The following SERF2 variants were observed in gnomAD, a reference collection of about 807,000 sequenced individuals.
SERF2 encodes small EDRK-rich factor 2.
In SERF2, 4 loss-of-function variants were observed where a neutral mutation model predicts 10.7. That is an observed-to-expected ratio of 0.37 (90% CI 0.18 to 0.86). The LOEUF (loss-of-function observed/expected upper bound fraction) is 0.86, where lower values mean the gene tolerates loss of function less well. Ranked by LOEUF, SERF2 falls within the 40% of genes least tolerant of loss-of-function variation. SERF2 has a pLI of 0.43. For synonymous variants in SERF2, 26 were observed against 26.0 expected, an observed-to-expected ratio of 1.00 and a Z score of 0.01; for missense variants, 47 against 79.1, an observed-to-expected ratio of 0.59 and a Z score of 1.54.
upstream of SERF2, among the ~76,000 whole-genome samples, chr15:43,789,081 G>A (rs2087031357): frequency 6.6e-6 from 1 of 151,598 alleles, no homozygotes; most frequent in Non-Finnish European, 1.5e-5. Context: ...CCCGGGAGGC[G>A]GAGCTTGCAG....
chr15:43,778,317 T>C (rs1391100388), intron 1 of SERF2, among the ~76,000 whole-genome samples: 2 of 151,918 alleles, frequency 1.3e-5, no homozygotes, highest in South Asian at 2.1e-4. Context: ...ATCTTTAAAA[T>C]CTGTGCTATT....
exon 2 of SERF2, chr15:43,785,489 C>A (rs1052453683): frequency 2.6e-5 from 4 of 152,080 alleles, no homozygotes; most frequent in South Asian, 4.1e-4. Flanking sequence ...TTCCTGGATT[C>A]AAGCAATCCT....
intron 1 of SERF2, among the ~76,000 whole-genome samples, chr15:43,782,365 T>G (rs1371396084): frequency 6.6e-6 from 1 of 152,194 alleles, no homozygotes; most frequent in Admixed American, 6.5e-5. Flanking sequence ...CCATATTATG[T>G]TCACATTTTC....
upstream of SERF2, among the ~76,000 whole-genome samples, chr15:43,789,066 G>A (rs866483592): frequency 7.3e-5 from 11 of 151,518 alleles, no homozygotes; most frequent in African/African-American, 2.7e-4. Flanking sequence ...GGAGAATGGC[G>A]TGAACCCGGG....
At position 43,782,821 on chromosome 15, in the gene SERF2, T is replaced by G. The variant is rs562397211; in HGVS notation, c.-526-2589T>G. ...TGGACAAATCCTTTGAGACTTTGCA[T>G]ACCTTTATTTTATTCTCATAACTTT... On this transcript the variant is annotated intron_variant, in intron 1 of 4. Coordinates refer to the SERF2 transcript ENST00000381359. Among the ~76,000 whole-genome samples the G allele has an allele frequency of 3.9e-5, 6 of 152,162 alleles. No individual in the cohort carries two copies. In the East Asian group the frequency reaches 9.7e-4, roughly 24 times the overall value.
At chr15:43,778,339 G>A (rs1157627559) in intron 1 of SERF2, among the ~76,000 whole-genome samples, 2 of 151,720 alleles carry the variant, frequency 1.3e-5, no homozygotes, top group African/African-American at 4.8e-5. Flanking sequence ...CTGTTTCTCT[G>A]CGGCAATATC....
intron 2 of SERF2, among the ~76,000 whole-genome samples, chr15:43,786,990 G>C (rs367819586): frequency 1.9e-4 from 26 of 133,784 alleles, no homozygotes; most frequent in African/African-American, 6.9e-4. Context: ...GCTTAGGCCT[G>C]GGTTCGTTTT....
chr15:43,780,598 A>G (rs1435923050), intron 1 of SERF2, among the ~76,000 whole-genome samples: 1 of 151,920 alleles, frequency 6.6e-6, no homozygotes, highest in East Asian at 1.9e-4. Flanking sequence ...CCTAGCAACA[A>G]CCACCCTTCT....
At chr15:43,792,597 C>T (rs901152686) in intron 1 of SERF2, 9 of 1,443,454 alleles carry the variant, frequency 6.2e-6, no homozygotes, top group Non-Finnish European at 8.2e-6. Flanking sequence ...TAGGCCCTCC[C>T]GGATCTTCCG....
intron 2 of SERF2, chr15:43,793,381 C>T (rs1161210941): frequency 1.2e-5 from 7 of 600,810 alleles, no homozygotes; most frequent in Non-Finnish European, 2.0e-5. Context: ...TACGGCAGCC[C>T]AGTACTTTTG....
chr15:43,788,262 G>A (rs1372350168), upstream of SERF2, among the ~76,000 whole-genome samples: 3 of 151,948 alleles, frequency 2.0e-5, no homozygotes, highest in East Asian at 1.9e-4. Flanking sequence ...CCTCCCTGTC[G>A]GCTTCCCAAA....
upstream of SERF2, chr15:43,792,239 A>T: frequency 1.3e-6 from 1 of 776,992 alleles, no homozygotes; most frequent in Non-Finnish European, 2.3e-6. Context: ...TTTCTTGTCC[A>T]ATGGGAGCCG....
intron 1 of SERF2, among the ~76,000 whole-genome samples, chr15:43,780,431 C>G (rs936163702): frequency 2.0e-5 from 3 of 152,178 alleles, no homozygotes; most frequent in Non-Finnish European, 2.9e-5. Context: ...CGTCAGCCAC[C>G]GCGCCCTGCG....
chr15:43,777,267 G>C (rs2086928005), exon 1 of SERF2: 5 of 441,514 alleles, frequency 1.1e-5, no homozygotes, highest in South Asian at 8.3e-5. Flanking sequence ...CCTGAATTTG[G>C]AGTTGCTGTC....
At chr15:43,792,711 CAG>C in intron 1 of SERF2, 1 of 1,048,176 alleles carries the variant, frequency 9.5e-7, no homozygotes, top group Non-Finnish European at 1.3e-6. Flanking sequence ...CACACCTTGC[CAG>C]CTGTTTGGGC....
chr15:43,792,538 A>G, intron 1 of SERF2, 155 bp downstream of exon 1: 20 of 1,513,216 alleles, frequency 1.3e-5, no homozygotes, highest in Non-Finnish European at 1.8e-5. Context: ...CCGGAAATCG[A>G]GCCCTTTGCC....
chr15:43,792,659 C>T, intron 1 of SERF2: 1 of 1,351,856 alleles, frequency 7.4e-7, no homozygotes, highest in Non-Finnish European at 9.7e-7. Context: ...GCCCCCACTC[C>T]ACAAGCCAGC....
At chr15:43,792,432 A>G (rs2087082920) in intron 1 of SERF2, 49 bp downstream of exon 1, 1 of 1,613,244 alleles carries the variant, frequency 6.2e-7, no homozygotes, top group South Asian at 1.1e-5. Flanking sequence ...CGTTCACCCT[A>G]AACACCACCG....
Position 43,777,108 on chromosome 15 carries a change from G to A in SERF2, c.-921G>A, listed in dbSNP as rs541077561. On this transcript the variant is annotated 5_prime_UTR_variant, in exon 1 of 5. Transcript: ENST00000381359. ...GGCGCTTCGCTCTCCCCGGCCAACCGCCCGGACCTCGGCGCTTTCTTCTAG... is the reference window on the plus strand; with the variant it reads ...GGCGCTTCGCTCTCCCCGGCCAACCACCCGGACCTCGGCGCTTTCTTCTAG... 4.1e-5 allele frequency: 33 copies of A among 802,516 alleles called. 1 individual carries two copies. Among genetic ancestry groups the A allele is most frequent in the South Asian group, 2.3e-4 (16 of 68,272 alleles). 49.7% of individuals were successfully genotyped at this position (802,516 alleles called of 1,614,324 possible).
Sources: gnomAD v4.1 joint callset for allele counts (sites outside exome capture counted in the v4.1 genomes callset) on GRCh38, gnomAD v4.1.1 for gene constraint, MANE v1.5 for transcripts, NCBI Gene and HGNC (gene_info 2026-07-23, HGNC 2026-07-21) for gene names.